SLC1A6: variants seen among roughly 807,000 people sequenced by gnomAD.
SLC1A6 encodes the protein solute carrier family 1 member 6.
In SLC1A6, 15 loss-of-function variants were observed where a neutral mutation model predicts 42.1. That is an observed-to-expected ratio of 0.36 (90% CI 0.24 to 0.55). The LOEUF (loss-of-function observed/expected upper bound fraction) is 0.55. SLC1A6 is among the 20% of genes least tolerant of loss of function. SLC1A6 has a pLI of 0.88. For synonymous variants in SLC1A6, 317 were observed against 319.7 expected, an observed-to-expected ratio of 0.99 and a Z score of 0.09; for missense variants, 542 against 772.5, an observed-to-expected ratio of 0.70 and a Z score of 3.54.
At chr19:14,962,939 C>A (rs76215719) in intron 5 of SLC1A6, among the ~76,000 whole-genome samples, 1 of 152,102 alleles carries the variant, frequency 6.6e-6, no homozygotes, top group Non-Finnish European at 1.5e-5. Flanking sequence ...ATAGGACCAG[C>A]AATCCCACTA....
intron 1 of SLC1A6, among the ~76,000 whole-genome samples, chr19:15,010,202 G>GA (rs1048453344): frequency 1.9e-4 from 14 of 72,642 alleles, no homozygotes; most frequent in African/African-American, 3.2e-4. Flanking sequence ...AAAAAAGAAA[G>GA]AAAGAAAAAA....
At chr19:15,004,117 C>G (rs977101909) in intron 1 of SLC1A6, among the ~76,000 whole-genome samples, 1 of 152,086 alleles carries the variant, frequency 6.6e-6, no homozygotes, top group Non-Finnish European at 1.5e-5. Flanking sequence ...GATCACACCA[C>G]TGCACTCCAG....
chr19:14,999,840 GT>G (rs35469627), intron 1 of SLC1A6, among the ~76,000 whole-genome samples: 14,818 of 152,054 alleles, frequency 0.097, 884 homozygotes, highest in East Asian at 0.2. Flanking sequence ...TATAAAATAG[GT>G]TTTTTTGTTT....
Position 14,954,392 on chromosome 19 carries a change from G to A in SLC1A6, c.1170-63C>T, listed in dbSNP as rs1052053515. On this transcript the variant is annotated intron_variant, in intron 7 of 9. Coordinates refer to ENST00000594383, the MANE Select transcript of SLC1A6 (RefSeq NM_005071.3). ...CCTGGTGGGGGCGGGGCTGGGAACAGGGTGTGGCCTAGTGGGGCAGGGCAG... is the reference window on the plus strand; with the variant it reads ...CCTGGTGGGGGCGGGGCTGGGAACAAGGTGTGGCCTAGTGGGGCAGGGCAG... The A allele has an allele frequency of 1.5e-5, 22 of 1,482,928 alleles. No individual in the cohort carries two copies. In the African/African-American group the frequency reaches 2.2e-4, roughly 15 times the overall value. The allele number at this position is 1,482,928 out of a possible 1,614,324, so 91.9% of individuals were successfully genotyped here. A position where few individuals can be genotyped will look rare whatever the true frequency, so the allele number is the denominator to read the frequency against.
intron 6 of SLC1A6, among the ~76,000 whole-genome samples, chr19:14,959,277 T>G (rs1356661325): frequency 6.6e-6 from 1 of 152,252 alleles, no homozygotes; most frequent in Non-Finnish European, 1.5e-5. Context: ...CTTTTACCTA[T>G]TTAGAAAAGT....
chr19:15,009,624 G>C (rs1020822975), intron 1 of SLC1A6, among the ~76,000 whole-genome samples: 1 of 152,102 alleles, frequency 6.6e-6, no homozygotes, highest in Non-Finnish European at 1.5e-5. Context: ...GGGTGAGAAG[G>C]GGGTGAGGGA....
chr19:15,006,019 A>G (rs763024443), intron 1 of SLC1A6, among the ~76,000 whole-genome samples: 12 of 152,364 alleles, frequency 7.9e-5, no homozygotes, highest in Non-Finnish European at 1.3e-4. Flanking sequence ...TGTGCAGGTC[A>G]TCTCACATGA....
Position 15,006,293 on chromosome 19 carries a change from A to G in SLC1A6, c.6+4192T>C, listed in dbSNP as rs140117923. On this transcript the variant is annotated intron_variant, in intron 1 of 8. Transcript: ENST00000430939. ...CGAGATCACGTAGACAGCAAGTGGC[A>G]GAATCATAATTTGAATCCTAGTTCA... 1.5e-3 allele frequency among the ~76,000 whole-genome samples: 225 copies of G among 152,328 alleles called. 1 individual carries two copies. The highest frequency in any genetic ancestry group is 2.5e-3 in the Non-Finnish European group (168 of 68,036).
chr19:14,965,392 A>C (rs1337567589), intron 4 of SLC1A6, among the ~76,000 whole-genome samples: 1 of 152,188 alleles, frequency 6.6e-6, no homozygotes, highest in Non-Finnish European at 1.5e-5. Flanking sequence ...ATCTACTCAA[A>C]GGAAAAGAAG....
At chr19:15,010,340 T>C in intron 1 of SLC1A6, 1 of 284,700 alleles carries the variant, frequency 3.5e-6, no homozygotes, top group South Asian at 2.9e-5. Context: ...GCCATGGGAG[T>C]ATTCTACCTG....
intron 3 of SLC1A6, among the ~76,000 whole-genome samples, chr19:14,969,113 T>C (rs1458183323): frequency 6.6e-6 from 1 of 152,188 alleles, no homozygotes; most frequent in Non-Finnish European, 1.5e-5. Flanking sequence ...GTGCTGGGAT[T>C]ACAGGCATGA....
At chr19:14,996,529 T>C (rs1387238960) in intron 1 of SLC1A6, among the ~76,000 whole-genome samples, 38 of 35,882 alleles carry the variant, frequency 1.1e-3, no homozygotes, top group Admixed American at 8.0e-3. Context: ...CTCCTCCTCT[T>C]TCTTCTTCTT....
intron 1 of SLC1A6, among the ~76,000 whole-genome samples, chr19:14,996,516 C>T (rs2145236714): frequency 6.7e-6 from 1 of 148,650 alleles, no homozygotes; most frequent in East Asian, 2.0e-4. Flanking sequence ...CCTCCTCCCT[C>T]TCCTCCTCCT....
intron 5 of SLC1A6, among the ~76,000 whole-genome samples, chr19:14,963,536 A>G (rs533002051): frequency 2.0e-5 from 3 of 152,372 alleles, no homozygotes; most frequent in Non-Finnish European, 4.4e-5. Flanking sequence ...ATGCAGACAT[A>G]TTTCAAAACA....
rs2045517370 is a variant in SLC1A6 at position 14,962,037 on chromosome 19, A to G, written c.900T>C (p.Asn300=). Residue 300 remains asparagine (N), a synonymous_variant, in exon 6 of 10, where the codon AAT becomes AAC. Coordinates refer to ENST00000594383, the MANE Select transcript of SLC1A6 (RefSeq NM_005071.3). ...RVLRDFFDSL[N]EAIMRLVGII... ...TGCCCACCAGCCTCATAATAGCCTC[A>G]TTGAGGCTGTCGAAGAAGTCCCTGA... is the stretch of plus-strand genomic sequence containing the variant. 1 of 1,613,802 alleles carries G rather than the reference A, an allele frequency of 6.2e-7. No individual in the cohort carries two copies. Among genetic ancestry groups the G allele is most frequent in the African/African-American group, 1.3e-5 (1 of 74,910 alleles).
rs761580130 is a variant in SLC1A6 at position 14,950,177 on chromosome 19, G to C, written c.*18C>G. 2 of 1,496,666 alleles carry C rather than the reference G, an allele frequency of 1.3e-6. No individual in the cohort carries two copies. The highest frequency in any genetic ancestry group is 4.9e-5 in the East Asian group (2 of 41,212). 92.7% of individuals were successfully genotyped at this position (1,496,666 alleles called of 1,614,324 possible). On this transcript the variant is annotated 3_prime_UTR_variant, in exon 10 of 10. Transcript: ENST00000594383. Reference sequence around the variant, plus strand: ...AGCCCCCTTCCCTCCTCTCTGGGGGGGCAGAGCTGGAGGCCCCTCACATAG... The same window carrying C: ...AGCCCCCTTCCCTCCTCTCTGGGGGCGCAGAGCTGGAGGCCCCTCACATAG...
chr19:14,996,778 A>C (rs758139504), intron 1 of SLC1A6, among the ~76,000 whole-genome samples: 2 of 151,946 alleles, frequency 1.3e-5, no homozygotes, highest in African/African-American at 4.8e-5. Flanking sequence ...AAGTCACTCG[A>C]TCAATCAATC....
intron 1 of SLC1A6, chr19:15,010,464 T>C (rs1282594139): frequency 2.0e-6 from 1 of 504,252 alleles, no homozygotes; most frequent in Non-Finnish European, 3.9e-6. Flanking sequence ...GTGAGAAGCC[T>C]GGCCCTTCTT....
chr19:14,973,100 C>T, intron 1 of SLC1A6, 183 bp from the exon 2 acceptor site: 1 of 586,320 alleles, frequency 1.7e-6, no homozygotes, highest in Non-Finnish European at 3.0e-6. Context: ...AGGAGAATCA[C>T]TTGCGCCCAG....
Sources: allele counts gnomAD v4.1 joint callset (sites outside exome capture counted in the v4.1 genomes callset), GRCh38; gene constraint gnomAD v4.1.1; transcripts MANE v1.5; gene names NCBI Gene and HGNC (gene_info 2026-07-23, HGNC 2026-07-21).